The following CELF2 variants were observed in gnomAD, a reference collection of about 807,000 sequenced individuals.
The protein encoded by CELF2 is CUGBP Elav-like family member 2, also known as CUG triplet repeat RNA-binding protein 2.
CELF2 carries 8 observed loss-of-function variants against 62.6 expected under a neutral mutation model. The ratio of observed to expected loss-of-function variants is 0.13; its 90% CI spans 0.07 to 0.23. The LOEUF (loss-of-function observed/expected upper bound fraction) is 0.23. Among genes scored for constraint, CELF2 ranks in the 10% least tolerant of loss-of-function variants. The pLI, the probability that CELF2 is intolerant of heterozygous loss-of-function variation, is 1.00. For missense variants in CELF2, 333 were observed against 671.0 expected (o/e 0.50, Z 5.56); for synonymous variants, 258 against 250.0 (o/e 1.03, Z -0.30).
chr10:11,251,008 G>C (rs1045946800), intron 4 of CELF2, among the ~76,000 whole-genome samples: 1 of 152,146 alleles, frequency 6.6e-6, no homozygotes. Context: ...GGAGACACGA[G>C]AGATGACTCT....
chr10:10,619,913 G>A, the CELF2 span, among the ~76,000 whole-genome samples: 6 of 152,094 alleles, frequency 3.9e-5, no homozygotes, highest in East Asian at 1.9e-4. Context: ...TTGAAGAGAC[G>A]AACGGAAGGA....
chr10:11,147,646 A>G (rs2062527965), intron 1 of CELF2, among the ~76,000 whole-genome samples: 1 of 152,224 alleles, frequency 6.6e-6, no homozygotes, highest in South Asian at 2.1e-4. Flanking sequence ...GCGTTTCATA[A>G]TCACATGGCA....
the CELF2 span, among the ~76,000 whole-genome samples, chr10:10,736,396 C>CTTTCTTTCTTTCTTTCTTTCTTTT: frequency 3.9e-5 from 3 of 76,016 alleles, no homozygotes; most frequent in African/African-American, 1.5e-4. Context: ...TTCTTTCTTT[C>CTTTCTTTCTTTCTTTCTTTCTTTT]TTTTTTTTTT....
At chr10:11,078,751 A>G (rs1258927215) in intron 1 of CELF2, among the ~76,000 whole-genome samples, 1 of 152,160 alleles carries the variant, frequency 6.6e-6, no homozygotes, top group Non-Finnish European at 1.5e-5. Flanking sequence ...GCCAGTCTGT[A>G]TTCTCTTACC....
rs944475711 is a variant in CELF2, at chr10:11,064,061, A to C, written c.74+45898A>C. 7.2e-5 allele frequency among the ~76,000 whole-genome samples: 11 copies of C among 152,336 alleles called. No homozygotes were observed. In the South Asian group the frequency reaches 2.3e-3, roughly 32 times the overall value. On this transcript the variant is annotated intron_variant, in intron 1 of 12. Transcript: ENST00000633077. Reference sequence around the variant, plus strand: ...TTTAAGGGTCTGCTGCGTGTCAGGCATGATTCCCAGCATCTGCTTGGGAGA... The same window carrying C: ...TTTAAGGGTCTGCTGCGTGTCAGGCCTGATTCCCAGCATCTGCTTGGGAGA...
At chr10:10,755,041 C>G in the CELF2 span, among the ~76,000 whole-genome samples, 26 of 152,092 alleles carry the variant, frequency 1.7e-4, no homozygotes, top group African/African-American at 6.0e-4. Flanking sequence ...AAATTGATAA[C>G]TTTAAATATA....
chr10:11,082,265 G>T (rs2074223920), intron 1 of CELF2, among the ~76,000 whole-genome samples: 1 of 152,210 alleles, frequency 6.6e-6, no homozygotes, highest in South Asian at 2.1e-4. Context: ...TTCCAACAGA[G>T]GATCCTAAAG....
intron 2 of CELF2, among the ~76,000 whole-genome samples, chr10:10,927,610 G>A (rs2065655818): frequency 6.6e-6 from 1 of 151,978 alleles, no homozygotes; most frequent in Non-Finnish European, 1.5e-5. Context: ...AACATTTTTT[G>A]TGGAGATGGA....
chr10:10,823,395 A>C (rs898674621), intron 1 of CELF2, among the ~76,000 whole-genome samples: 1 of 152,184 alleles, frequency 6.6e-6, no homozygotes, highest in African/African-American at 2.4e-5. Flanking sequence ...CACTCGCAGG[A>C]ATGGAAATTG....
chr10:11,029,068 A>C (rs2059709414), intron 1 of CELF2, among the ~76,000 whole-genome samples: 3 of 152,196 alleles, frequency 2.0e-5, no homozygotes, highest in Admixed American at 1.3e-4. Context: ...TAGACCTGGC[A>C]GCCTTGGGTG....
chr10:10,700,710 T>A, the CELF2 span, among the ~76,000 whole-genome samples: 1 of 152,248 alleles, frequency 6.6e-6, no homozygotes, highest in Non-Finnish European at 1.5e-5. Flanking sequence ...ATTCTTTGCC[T>A]TGTAATTTCT....
the CELF2 span, among the ~76,000 whole-genome samples, chr10:10,640,510 C>G: frequency 1.3e-5 from 2 of 152,180 alleles, no homozygotes; most frequent in Admixed American, 1.3e-4. Flanking sequence ...CTCTGCCCTT[C>G]CTTTGGAATC....
At chr10:10,546,707 C>T in the CELF2 span, among the ~76,000 whole-genome samples, 1 of 151,780 alleles carries the variant, frequency 6.6e-6, no homozygotes, top group African/African-American at 2.4e-5. Flanking sequence ...TGACTTTTGT[C>T]ACAAAGGGAT....
At chr10:11,122,220 C>A (rs1019216455) in intron 1 of CELF2, among the ~76,000 whole-genome samples, 29 of 152,258 alleles carry the variant, frequency 1.9e-4, no homozygotes, top group Admixed American at 3.3e-4. Context: ...TCAGCTGTAT[C>A]CCTGGATCCT....
chr10:10,531,206 CCA>C, the CELF2 span, among the ~76,000 whole-genome samples: 2 of 152,212 alleles, frequency 1.3e-5, no homozygotes, highest in Admixed American at 6.5e-5. Context: ...TCCTTTAAAA[CCA>C]CAGTTTCTCA....
chr10:11,142,967 A>C (rs184301157), intron 1 of CELF2, among the ~76,000 whole-genome samples: 1 of 123,992 alleles, frequency 8.1e-6, no homozygotes, highest in African/African-American at 3.4e-5. Flanking sequence ...CCACTGGGGG[A>C]ACTCACTCCC....
In CELF2 at chr10:11,217,534, A is replaced by G; in HGVS notation, c.354+27A>G. 6.6e-7 allele frequency: 1 copy of G among 1,512,968 alleles called. No homozygotes were observed. The highest frequency in any genetic ancestry group is 9.1e-7 in the Non-Finnish European group (1 of 1,093,164). The allele number at this position is 1,512,968 out of a possible 1,614,324, so 93.7% of individuals were successfully genotyped here. ...TGAGTCGGTTTACTTTTGTACCAGA[A>G]TCACTTTATTGCTTGAAAATGGTCC... On this transcript the variant is annotated intron_variant, in intron 3 of 12. Transcript: ENST00000633077. This position sits in a 1 kb window ranked among gnomAD's most constrained non-coding sequence, Gnocchi z 5.6.
rs1291203442 is a variant in CELF2 at position 11,321,241 on chromosome 10, A to G, written c.1149A>G (p.Thr383=). The change falls in exon 11 of 13, where the codon ACA becomes ACG. Residue 383 remains threonine, a synonymous_variant. Coordinates refer to ENST00000633077, the MANE Select transcript of CELF2 (RefSeq NM_001326342.2). The surrounding 1 kb of genome is among the most constrained non-coding windows in gnomAD (Gnocchi z 6.2). The stretch of plus-strand genomic sequence containing the variant: ...CTCTGAATGGAGGACTTGGCGCCAC[A>G]GGCTTGACGAATGGCACGGCTGGCA... The part of the protein sequence containing the change: ...MAALNGGLGA[T]GLTNGTAGTM... 6.2e-7 allele frequency: 1 copy of G among 1,614,110 alleles called. No individual in the cohort carries two copies. The highest frequency in any genetic ancestry group is 8.5e-7 in the Non-Finnish European group (1 of 1,180,032).
intron 2 of CELF2, among the ~76,000 whole-genome samples, chr10:10,964,464 G>T (rs1372155178): frequency 6.6e-6 from 1 of 152,138 alleles, no homozygotes; most frequent in African/African-American, 2.4e-5. Context: ...TAACTTGAAA[G>T]AATTAATGAC....
Sources: gnomAD v4.1 joint callset for allele counts (sites outside exome capture counted in the v4.1 genomes callset) on GRCh38, gnomAD v4.1.1 for gene constraint, Gnocchi (gnomAD v3.1) non-coding constraint, MANE v1.5 for transcripts, NCBI Gene and HGNC (gene_info 2026-07-23, HGNC 2026-07-21) for gene names.